Variants in HIBCH observed in about 807,000 individuals in gnomAD.
HIBCH encodes the protein 3-hydroxyisobutyryl-CoA hydrolase, also known as 3-hydroxyisobutyryl-CoA hydrolase, mitochondrial.
HIBCH carries 50 observed loss-of-function variants against 58.2 expected under a neutral mutation model. The observed-to-expected ratio is 0.86, with a 90% CI of 0.68 to 1.09. HIBCH has a LOEUF of 1.09. Ranked by LOEUF, HIBCH falls within the 50% of genes least tolerant of loss-of-function variation. The pLI, the probability that HIBCH is intolerant of heterozygous loss-of-function variation, is 0.00. For synonymous variants in HIBCH, 151 were observed against 146.9 expected, an observed-to-expected ratio of 1.03 and a Z score of -0.20; for missense variants, 450 against 449.7, an observed-to-expected ratio of 1.00 and a Z score of -0.01.
intron 2 of HIBCH, among the ~76,000 whole-genome samples, chr2:190,307,649 G>T (rs937937751): frequency 1.3e-5 from 2 of 152,124 alleles, no homozygotes; most frequent in Admixed American, 1.3e-4. Context: ...GGGCAACACA[G>T]CAAGACCTTG....
intron 11 of HIBCH, among the ~76,000 whole-genome samples, chr2:190,234,755 CAGG>C (rs1686216137): frequency 6.6e-6 from 1 of 151,658 alleles, no homozygotes; most frequent in Admixed American, 6.6e-5. Flanking sequence ...GAGGCTGAGG[CAGG>C]AGAATTGCTT....
intron 1 of HIBCH, among the ~76,000 whole-genome samples, chr2:190,196,950 A>G (rs1395885985): frequency 6.6e-6 from 1 of 152,140 alleles, no homozygotes; most frequent in Non-Finnish European, 1.5e-5. Flanking sequence ...TTTATTTCTC[A>G]TGGTTCTGGA....
chr2:190,199,919 A>G (rs1182282488), downstream of HIBCH: 3 of 1,614,008 alleles, frequency 1.9e-6, no homozygotes, highest in Admixed American at 3.3e-5. Flanking sequence ...GAAGGTGAGA[A>G]GCAGCATGAG....
intron 2 of HIBCH, among the ~76,000 whole-genome samples, chr2:190,309,502 T>C (rs1251958850): frequency 5.9e-5 from 9 of 152,206 alleles, no homozygotes; most frequent in African/African-American, 1.9e-4. Context: ...CAAGGTACCA[T>C]TACAGTAATA....
At chr2:190,232,546 T>C (rs1329729916) in intron 11 of HIBCH, among the ~76,000 whole-genome samples, 3 of 152,246 alleles carry the variant, frequency 2.0e-5, no homozygotes, top group African/African-American at 7.2e-5. Context: ...TCCTCCAGAT[T>C]CCACCATCTG....
intron 6 of HIBCH, among the ~76,000 whole-genome samples, chr2:190,275,223 AGAG>A (rs931185458): frequency 3.9e-5 from 6 of 152,210 alleles, no homozygotes; most frequent in African/African-American, 1.4e-4. Flanking sequence ...AGAGAGGAGG[AGAG>A]AAGAACCTAA....
Position 190,204,309 on chromosome 2 carries a change from G to A in HIBCH, c.*808C>T, listed in dbSNP as rs1690335075. ...GTCTTACGTAAATTATAAAAAAACA[G>A]AGTGTCTCTATCTAAGAGATTGGAG... is the stretch of plus-strand genomic sequence containing the variant. On this transcript the variant is annotated 3_prime_UTR_variant, in exon 14 of 14. Coordinates refer to ENST00000359678, the MANE Select transcript of HIBCH (RefSeq NM_014362.4). 6.6e-6 allele frequency: 1 copy of A among 152,016 alleles called. No individual in the cohort carries two copies. Among genetic ancestry groups the A allele is most frequent in the Non-Finnish European group, 1.5e-5 (1 of 67,948 alleles). The allele number at this position is 152,016 out of a possible 1,614,324, so 9.4% of individuals were successfully genotyped here. A position where few individuals can be genotyped will look rare whatever the true frequency, so the allele number is the denominator to read the frequency against.
chr2:190,271,763 C>A (rs1288241201), intron 6 of HIBCH, among the ~76,000 whole-genome samples: 1 of 152,116 alleles, frequency 6.6e-6, no homozygotes, highest in Non-Finnish European at 1.5e-5. Flanking sequence ...TTAATTAGCT[C>A]TCCATATTGA....
intron 11 of HIBCH, 26 bp from the exon 12 acceptor site, chr2:190,213,101 G>A (rs987540332): frequency 1.9e-6 from 3 of 1,540,284 alleles, no homozygotes; most frequent in Middle Eastern, 1.7e-4. Flanking sequence ...ATTTACTACT[G>A]TTAGTCCAAT....
chr2:190,203,362 T>TA (rs1309223094), downstream of HIBCH: 1 of 167,038 alleles, frequency 6.0e-6, no homozygotes, highest in Non-Finnish European at 1.5e-5. Flanking sequence ...TTTCAAAACT[T>TA]AAGTTTTATT....
At chr2:190,199,923 G>GCATGAGAGTGAAGAAC, downstream of HIBCH, 10 of 1,614,112 alleles carry the variant, frequency 6.2e-6, no homozygotes, top group Non-Finnish European at 8.5e-6. Context: ...GTGAGAAGCA[G>GCATGAGAGTGAAGAAC]CATGAGAGTG....
rs1377142934 is a variant in HIBCH, at chr2:190,216,305, T to C, written c.892-3230A>G. On this transcript the variant is annotated intron_variant, in intron 11 of 13. Coordinates refer to ENST00000359678, the MANE Select transcript of HIBCH (RefSeq NM_014362.4). This position sits in a 1 kb window ranked among gnomAD's most constrained non-coding sequence, Gnocchi z 4.2. ...ACAGTTTAGGATCAGGAGCAGTGGG[T>C]TGCCTATGGATGGCTGTCAGAAGGC... Among the ~76,000 whole-genome samples, 1 of 152,164 alleles carries C rather than the reference T, an allele frequency of 6.6e-6. No homozygotes were observed. The highest frequency in any genetic ancestry group is 2.4e-5 in the African/African-American group (1 of 41,436).
chr2:190,255,587 T>A (rs1264765733), intron 7 of HIBCH, among the ~76,000 whole-genome samples: 1 of 151,986 alleles, frequency 6.6e-6, no homozygotes, highest in Non-Finnish European at 1.5e-5. Flanking sequence ...CATCAAGCAA[T>A]AAAGAAAAGT....
intron 11 of HIBCH, among the ~76,000 whole-genome samples, chr2:190,226,683 C>T (rs1282723841): frequency 1.3e-5 from 2 of 149,712 alleles, no homozygotes; most frequent in African/African-American, 4.9e-5. Flanking sequence ...AAAACCCCAT[C>T]ATCTCAGCCC....
In HIBCH at chr2:190,260,102, TAGAAAAAGGAAA is replaced by T. The variant is rs200004338; in HGVS notation, c.517+1042_517+1053del. Reference sequence around the variant, plus strand: ...AGAAAGAAATAAAAGGTATCCAGATTAGAAAAAGGAAAGGAAAAAGTAAAACTGCTCTTACTT... The same window carrying T: ...AGAAAGAAATAAAAGGTATCCAGATTGGAAAAAGTAAAACTGCTCTTACTT... On this transcript the variant is annotated intron_variant, in intron 7 of 13. Coordinates refer to ENST00000359678, the MANE Select transcript of HIBCH (RefSeq NM_014362.4). Among the ~76,000 whole-genome samples the T allele has an allele frequency of 7.9e-3, 1,205 of 152,206 alleles. 19 individuals are homozygous for T. The highest frequency in any genetic ancestry group is 0.027 in the African/African-American group (1,122 of 41,536).
intron 8 of HIBCH, chr2:190,251,537 A>G (rs756794529): frequency 4.9e-5 from 22 of 450,292 alleles, no homozygotes; most frequent in South Asian, 3.6e-4. Context: ...TTCAACTACT[A>G]TGTAATAGTG....
intron 5 of HIBCH, among the ~76,000 whole-genome samples, chr2:190,288,293 T>C (rs1395541907): frequency 6.6e-6 from 1 of 151,720 alleles, no homozygotes; most frequent in Non-Finnish European, 1.5e-5. Context: ...GTAGAAACTT[T>C]TGTGAAACTA....
intron 2 of HIBCH, among the ~76,000 whole-genome samples, chr2:190,297,558 T>A (rs1188851985): frequency 6.6e-6 from 1 of 152,228 alleles, no homozygotes; most frequent in Non-Finnish European, 1.5e-5. Flanking sequence ...GATTATAATA[T>A]GACATACTTA....
chr2:190,242,882 T>G (rs1445705468), intron 11 of HIBCH, among the ~76,000 whole-genome samples: 4 of 152,224 alleles, frequency 2.6e-5, no homozygotes, highest in Non-Finnish European at 4.4e-5. Flanking sequence ...ACTGCTAACT[T>G]TATGTAATGG....
Sources: gnomAD v4.1 joint callset for allele counts (sites outside exome capture counted in the v4.1 genomes callset) on GRCh38, gnomAD v4.1.1 for gene constraint, Gnocchi (gnomAD v3.1) non-coding constraint, MANE v1.5 for transcripts, NCBI Gene and HGNC (gene_info 2026-07-23, HGNC 2026-07-21) for gene names.